Variants in LGSN observed in about 807,000 individuals in gnomAD.
LGSN encodes lengsin.
In LGSN, 21 loss-of-function variants were observed where a neutral mutation model predicts 19.5. The observed-to-expected ratio is 1.07, with a 90% CI of 0.76 to 1.55. LGSN has a LOEUF of 1.55. Ranked by LOEUF, LGSN falls within the 40% of genes most tolerant of loss-of-function variation. The probability of loss-of-function intolerance (pLI) is 0.00; values close to 1 mark genes in which losing one functional copy is unlikely to be tolerated. For synonymous variants in LGSN, 257 were observed against 215.6 expected, an observed-to-expected ratio of 1.19 and a Z score of -1.68; for missense variants, 673 against 608.5, an observed-to-expected ratio of 1.11 and a Z score of -1.12.
the LGSN span, among the ~76,000 whole-genome samples, chr6:63,471,920 A>G: frequency 6.6e-6 from 1 of 152,132 alleles, no homozygotes; most frequent in Admixed American, 6.5e-5. Flanking sequence ...TCTCTCTACC[A>G]TGTGAGGATC....
At chr6:63,382,596 C>G in the LGSN span, among the ~76,000 whole-genome samples, 2 of 152,156 alleles carry the variant, frequency 1.3e-5, no homozygotes, top group Admixed American at 1.3e-4. Context: ...TTGAGAGATA[C>G]AGGTTTCTCA....
chr6:63,319,762 A>G (rs1769016526), intron 1 of LGSN, 152 bp downstream of exon 1: 1 of 668,462 alleles, frequency 1.5e-6, no homozygotes, highest in Non-Finnish European at 2.7e-6. Context: ...GTAGTACAGA[A>G]GGGCAATTCT....
At chr6:63,363,321 G>T in the LGSN span, among the ~76,000 whole-genome samples, 84 of 152,338 alleles carry the variant, frequency 5.5e-4, no homozygotes, top group African/African-American at 1.9e-3. Flanking sequence ...CTCCTCACCA[G>T]CAACAGAACA....
the LGSN span, among the ~76,000 whole-genome samples, chr6:63,437,163 G>A: frequency 6.8e-6 from 1 of 146,414 alleles, no homozygotes; most frequent in East Asian, 2.0e-4. Flanking sequence ...GAGAAGGGAG[G>A]GAGGGAGGGA....
the LGSN span, among the ~76,000 whole-genome samples, chr6:63,332,253 T>A: frequency 1.3e-5 from 2 of 152,112 alleles, no homozygotes; most frequent in Non-Finnish European, 2.9e-5. Context: ...ATCATTCTTA[T>A]AGGAGAAACT....
At chr6:63,491,342 G>A in the LGSN span, among the ~76,000 whole-genome samples, 4 of 152,292 alleles carry the variant, frequency 2.6e-5, no homozygotes, top group East Asian at 5.8e-4. Flanking sequence ...CCACTTCAGG[G>A]CTGGGCACTT....
the LGSN span, among the ~76,000 whole-genome samples, chr6:63,474,386 A>G: frequency 9.2e-5 from 14 of 152,078 alleles, no homozygotes; most frequent in Non-Finnish European, 1.5e-4. Context: ...AGGTGGGCGG[A>G]TCACGAGGTC....
At chr6:63,424,690 A>T in the LGSN span, among the ~76,000 whole-genome samples, 1 of 152,170 alleles carries the variant, frequency 6.6e-6, no homozygotes, top group Admixed American at 6.6e-5. Context: ...TGGAATGAGG[A>T]TTTCTTGAGG....
At chr6:63,331,027 G>A in the LGSN span, among the ~76,000 whole-genome samples, 4 of 152,038 alleles carry the variant, frequency 2.6e-5, no homozygotes, top group African/African-American at 7.3e-5. Context: ...ACCTGAGTTG[G>A]GCCAAATTCC....
At chr6:63,393,934 G>A in the LGSN span, among the ~76,000 whole-genome samples, 1 of 152,236 alleles carries the variant, frequency 6.6e-6, no homozygotes, top group East Asian at 1.9e-4. Context: ...GATGAGATAG[G>A]AGGTCTGCAA....
chr6:63,443,995 C>A, the LGSN span, among the ~76,000 whole-genome samples: 1 of 151,324 alleles, frequency 6.6e-6, no homozygotes, highest in African/African-American at 2.4e-5. Flanking sequence ...TTGAAGGAAT[C>A]TAAGTAATTA....
the LGSN span, among the ~76,000 whole-genome samples, chr6:63,459,079 C>T: frequency 6.6e-6 from 1 of 152,126 alleles, no homozygotes; most frequent in East Asian, 1.9e-4. Context: ...AAGATTTTAC[C>T]TGAAAGACCA....
the LGSN span, among the ~76,000 whole-genome samples, chr6:63,428,425 C>T: frequency 2.6e-5 from 4 of 152,156 alleles, 1 homozygote; most frequent in South Asian, 8.3e-4. Flanking sequence ...GATCTTGGCT[C>T]ACAGCAACCT....
chr6:63,552,526 C>T, the LGSN span, among the ~76,000 whole-genome samples: 1 of 152,142 alleles, frequency 6.6e-6, no homozygotes, highest in Non-Finnish European at 1.5e-5. Flanking sequence ...TGTGCAGAAG[C>T]TCTTTAGTTT....
the LGSN span, among the ~76,000 whole-genome samples, chr6:63,472,737 G>A: frequency 6.6e-5 from 10 of 151,918 alleles, no homozygotes; most frequent in South Asian, 6.2e-4. Context: ...ACAGGAGATC[G>A]AAACCATCCT....
At chr6:63,372,742 G>A in the LGSN span, among the ~76,000 whole-genome samples, 1 of 151,782 alleles carries the variant, frequency 6.6e-6, no homozygotes, top group South Asian at 2.1e-4. Flanking sequence ...TGGAATCTAA[G>A]ACACCATAAT....
the LGSN span, among the ~76,000 whole-genome samples, chr6:63,560,174 C>T: frequency 1.5e-4 from 23 of 151,834 alleles, no homozygotes; most frequent in Admixed American, 1.2e-3. Flanking sequence ...CCCGTCTCTA[C>T]TAAAAATACA....
the LGSN span, among the ~76,000 whole-genome samples, chr6:63,467,112 A>G: frequency 6.6e-6 from 1 of 152,056 alleles, no homozygotes; most frequent in Non-Finnish European, 1.5e-5. Flanking sequence ...AATGAAAGAG[A>G]TCAGCAAAAA....
chr6:63,519,726 C>T, the LGSN span, among the ~76,000 whole-genome samples: 1 of 152,212 alleles, frequency 6.6e-6, no homozygotes, highest in African/African-American at 2.4e-5. Context: ...TCATGTGTGA[C>T]AGTTCTAATT....
Sources: gnomAD v4.1 joint callset for allele counts (sites outside exome capture counted in the v4.1 genomes callset) on GRCh38, gnomAD v4.1.1 for gene constraint, MANE v1.5 for transcripts, NCBI Gene and HGNC (gene_info 2026-07-23, HGNC 2026-07-21) for gene names.